TRIM37: variants seen among roughly 807,000 people sequenced by gnomAD.
The protein encoded by TRIM37 is E3 ubiquitin-protein ligase TRIM37.
In TRIM37, 80 loss-of-function variants were observed where a neutral mutation model predicts 129.8. The ratio of observed to expected loss-of-function variants is 0.62; its 90% CI spans 0.51 to 0.74. TRIM37 has a LOEUF of 0.74. Ranked by LOEUF, TRIM37 falls within the 30% of genes least tolerant of loss-of-function variation. TRIM37 has a pLI of 0.00. For synonymous variants in TRIM37, 389 were observed against 387.1 expected (o/e 1.00, Z -0.06); for missense variants, 1,054 against 1,176.5 (o/e 0.90, Z 1.52).
At chr17:58,969,978 G>A in the TRIM37 span, among the ~76,000 whole-genome samples, 1 of 152,280 alleles carries the variant, frequency 6.6e-6, no homozygotes, top group East Asian at 1.9e-4. Context: ...AATAACTGCT[G>A]GATTTGGCAG....
chr17:58,993,925 G>GA (rs1567917727), downstream of TRIM37, among the ~76,000 whole-genome samples: 1 of 151,892 alleles, frequency 6.6e-6, no homozygotes, highest in Non-Finnish European at 1.5e-5. Context: ...AAATATCTTT[G>GA]AAAAAAATGT....
intron 13 of TRIM37, among the ~76,000 whole-genome samples, chr17:59,053,321 T>C (rs2040529571): frequency 2.0e-5 from 3 of 152,326 alleles, no homozygotes; most frequent in South Asian, 4.1e-4. Context: ...CACCAGAATC[T>C]TGAAATAAAA....
intron 1 of TRIM37, among the ~76,000 whole-genome samples, chr17:59,104,969 G>C (rs1489475751): frequency 3.3e-5 from 5 of 151,728 alleles, no homozygotes; most frequent in Non-Finnish European, 7.4e-5. Context: ...GTGTGCACCT[G>C]TAATCCCAGC....
chr17:59,077,167 T>A (rs773525396), intron 7 of TRIM37, among the ~76,000 whole-genome samples: 4 of 152,006 alleles, frequency 2.6e-5, no homozygotes, highest in Admixed American at 6.6e-5. Flanking sequence ...TGATCTCGGC[T>A]CACTGCAACC....
At chr17:59,073,531 C>G (rs950624089) in intron 8 of TRIM37, among the ~76,000 whole-genome samples, 1 of 152,196 alleles carries the variant, frequency 6.6e-6, no homozygotes, top group Non-Finnish European at 1.5e-5. Context: ...CTCAAGTGAT[C>G]TGCCCACCTT....
chr17:59,098,256 T>C (rs1310838188), intron 2 of TRIM37, among the ~76,000 whole-genome samples: 1 of 152,220 alleles, frequency 6.6e-6, no homozygotes, highest in African/African-American at 2.4e-5. Flanking sequence ...GTTTATCAAG[T>C]ACAGAGTTTC....
Position 58,999,325 on chromosome 17 carries a change from A to T in TRIM37, c.*52T>A. 3 of 1,613,226 alleles carry T rather than the reference A, an allele frequency of 1.9e-6. No individual in the cohort carries two copies. The South Asian group carries it at 3.3e-5, about 18-fold the overall frequency. On this transcript the variant is annotated 3_prime_UTR_variant, in exon 24 of 24. Coordinates refer to ENST00000262294, the MANE Select transcript of TRIM37 (RefSeq NM_015294.6). ...GATGACAAATTTGAGCACCAACTAC[A>T]GCAAAATTCAGGGTCAAGGTAGCTT...
chr17:59,050,473 G>A (rs1030258911), intron 14 of TRIM37, among the ~76,000 whole-genome samples: 2 of 148,570 alleles, frequency 1.3e-5, no homozygotes, highest in African/African-American at 5.0e-5. Context: ...CAGGCAGACT[G>A]CTTGAGCCCA....
At chr17:59,090,245 T>C (rs1270626161) in intron 3 of TRIM37, among the ~76,000 whole-genome samples, 2 of 152,188 alleles carry the variant, frequency 1.3e-5, no homozygotes, top group Non-Finnish European at 2.9e-5. Flanking sequence ...ATAAAACTGA[T>C]TATCAGTCAC....
intron 19 of TRIM37, among the ~76,000 whole-genome samples, chr17:59,023,604 G>A (rs558701946): frequency 9.9e-5 from 15 of 152,086 alleles, no homozygotes; most frequent in Non-Finnish European, 2.1e-4. Flanking sequence ...GCAGTAAGCC[G>A]AGATAGAGCT....
intron 22 of TRIM37, 161 bp from the exon 23 acceptor site, chr17:59,001,875 C>G: frequency 9.8e-7 from 1 of 1,015,244 alleles, no homozygotes; most frequent in Admixed American, 2.2e-5. Context: ...CAAAAGTAAC[C>G]GCACAAACCT....
At chr17:59,073,689 T>A (rs1239290531) in intron 8 of TRIM37, among the ~76,000 whole-genome samples, 2 of 152,212 alleles carry the variant, frequency 1.3e-5, no homozygotes, top group East Asian at 3.8e-4. Context: ...AGCCTTGAAT[T>A]CCTGGGCTGA....
chr17:59,056,715 CCAAAAAAAAA>C (rs1349335657), intron 13 of TRIM37, among the ~76,000 whole-genome samples, 150 bp downstream of exon 13: 2 of 3,926 alleles, frequency 5.1e-4, no homozygotes, highest in Non-Finnish European at 2.3e-3. Flanking sequence ...GACTATGTCT[CCAAAAAAAAA>C]AAAAAAAAAA....
intron 9 of TRIM37, among the ~76,000 whole-genome samples, chr17:59,064,698 C>T (rs1328770603): frequency 2.6e-5 from 4 of 152,130 alleles, no homozygotes; most frequent in East Asian, 1.9e-4. Flanking sequence ...CATCTGAGGT[C>T]GGGAGCTCAA....
At chr17:59,003,455 G>A (rs2034047595) in intron 22 of TRIM37, among the ~76,000 whole-genome samples, 1 of 152,160 alleles carries the variant, frequency 6.6e-6, no homozygotes, top group South Asian at 2.1e-4. Context: ...TAGGTACAAT[G>A]GAGCAAGCAC....
At chr17:58,993,166 A>G (rs929482528) in intron 24 of TRIM37, among the ~76,000 whole-genome samples, 34 of 152,180 alleles carry the variant, frequency 2.2e-4, no homozygotes, top group South Asian at 4.1e-4. Context: ...CTGCCACCAC[A>G]TGAGATGTGC....
At chr17:59,008,154 C>T (rs1191770336) in intron 22 of TRIM37, among the ~76,000 whole-genome samples, 1 of 152,226 alleles carries the variant, frequency 6.6e-6, no homozygotes, top group African/African-American at 2.4e-5. Context: ...ACTACCTTCT[C>T]TCAGCCTCAT....
chr17:59,024,546 AAGAG>A (rs200220361), intron 19 of TRIM37, among the ~76,000 whole-genome samples: 2 of 151,648 alleles, frequency 1.3e-5, no homozygotes, highest in Non-Finnish European at 2.9e-5. Flanking sequence ...CTCTTTTTTT[AAGAG>A]AGAGAGAGAG....
At chr17:59,010,267 GAAACACTACTGGT>G (rs2035085042) in intron 22 of TRIM37, among the ~76,000 whole-genome samples, 1 of 152,148 alleles carries the variant, frequency 6.6e-6, no homozygotes, top group African/African-American at 2.4e-5. Context: ...TAACCGGAGG[GAAACACTACTGGT>G]ATCTAGTGGT....
Sources: allele counts gnomAD v4.1 joint callset (sites outside exome capture counted in the v4.1 genomes callset), GRCh38; gene constraint gnomAD v4.1.1; transcripts MANE v1.5; gene names NCBI Gene and HGNC (gene_info 2026-07-23, HGNC 2026-07-21).